CDH13: variants seen among roughly 807,000 people sequenced by gnomAD.
The protein encoded by CDH13 is cadherin 13.
A neutral mutation model predicts 63.8 loss-of-function variants in CDH13; 24 were observed. The observed-to-expected ratio is 0.38, with a 90% CI of 0.27 to 0.53. The LOEUF (loss-of-function observed/expected upper bound fraction) is 0.53, where lower values mean the gene tolerates loss of function less well. Ranked by LOEUF, CDH13 falls within the 20% of genes least tolerant of loss-of-function variation. The pLI, the probability that CDH13 is intolerant of heterozygous loss-of-function variation, is 0.85. For missense variants in CDH13, 1,049 were observed against 903.1 expected (o/e 1.16, Z -2.07); for synonymous variants, 503 against 355.3 (o/e 1.42, Z -4.67).
At chr16:83,691,495 T>C (rs985271880) in intron 10 of CDH13, among the ~76,000 whole-genome samples, 1 of 152,024 alleles carries the variant, frequency 6.6e-6, no homozygotes, top group African/African-American at 2.4e-5. Flanking sequence ...AGGCACTGCT[T>C]CCTGAGAATC....
chr16:83,151,927 G>A lies in CDH13; in HGVS notation c.483+26426G>A, dbSNP rs144514931. ...CAGTGAGCCAAGATCGCGCCATTGC[G>A]CTCCAGCCTGGGCAACAAAAAAAAA... On this transcript the variant is annotated intron_variant, in intron 4 of 13. Coordinates refer to ENST00000567109, the MANE Select transcript of CDH13 (RefSeq NM_001257.5). Among the ~76,000 whole-genome samples the A allele has an allele frequency of 2.3e-3, 347 of 150,512 alleles. 3 individuals carry two copies. Among genetic ancestry groups the A allele is most frequent in the African/African-American group, 7.7e-3 (313 of 40,762 alleles).
chr16:83,570,761 TTA>T (rs970142686), intron 7 of CDH13, among the ~76,000 whole-genome samples: 7 of 141,950 alleles, frequency 4.9e-5, no homozygotes, highest in Admixed American at 7.1e-5. Flanking sequence ...AATTATATAT[TTA>T]TATATATGAA....
intron 6 of CDH13, among the ~76,000 whole-genome samples, chr16:83,448,398 G>A (rs371865876): frequency 6.6e-6 from 1 of 152,262 alleles, no homozygotes; most frequent in South Asian, 2.1e-4. Context: ...AGAGGGTTCA[G>A]CAGTTCTGTG....
intron 8 of CDH13, among the ~76,000 whole-genome samples, chr16:83,653,276 C>G (rs1235350590): frequency 6.6e-6 from 1 of 152,006 alleles, no homozygotes; most frequent in African/African-American, 2.4e-5. Flanking sequence ...TTCATATGTA[C>G]AATTTAAATT....
At chr16:83,045,786 A>G (rs1406006871) in intron 3 of CDH13, among the ~76,000 whole-genome samples, 1 of 152,224 alleles carries the variant, frequency 6.6e-6, no homozygotes, top group East Asian at 1.9e-4. Flanking sequence ...GGCAGTAAAG[A>G]AACAGGGGAA....
At chr16:83,019,712 T>C (rs989877568) in intron 2 of CDH13, among the ~76,000 whole-genome samples, 2 of 150,890 alleles carry the variant, frequency 1.3e-5, no homozygotes, top group African/African-American at 4.9e-5. Flanking sequence ...CCCAGTATGG[T>C]CTCAAACTCC....
chr16:83,245,061 C>G (rs977867994), intron 5 of CDH13, among the ~76,000 whole-genome samples: 2 of 151,884 alleles, frequency 1.3e-5, no homozygotes. Flanking sequence ...TGCAGGCTGG[C>G]CTTTCTAGGG....
intron 1 of CDH13, among the ~76,000 whole-genome samples, chr16:82,799,102 A>T (rs1286706934): frequency 2.6e-5 from 4 of 152,166 alleles, no homozygotes; most frequent in Non-Finnish European, 5.9e-5. Context: ...AAACATGAAG[A>T]TACTGGAGAA....
chr16:83,435,344 C>T (rs1300403226), intron 6 of CDH13, among the ~76,000 whole-genome samples: 6 of 152,070 alleles, frequency 3.9e-5, no homozygotes, highest in Admixed American at 6.6e-5. Flanking sequence ...ATGCCTGGCC[C>T]CCTATTTGAC....
chr16:82,659,099 T>G (rs1911634319), intron 1 of CDH13, among the ~76,000 whole-genome samples: 1 of 152,150 alleles, frequency 6.6e-6, no homozygotes. Context: ...ATACAGAAAG[T>G]AATGCCAGAA....
At chr16:82,825,188 T>C (rs1050965852) in intron 1 of CDH13, 3 of 152,178 alleles carry the variant, frequency 2.0e-5, no homozygotes, top group Admixed American at 2.0e-4. Context: ...GCAACGAACT[T>C]TCTTCTTTTT....
At chr16:82,875,171 A>G (rs570903793) in intron 2 of CDH13, among the ~76,000 whole-genome samples, 2 of 152,340 alleles carry the variant, frequency 1.3e-5, no homozygotes, top group South Asian at 2.1e-4. Flanking sequence ...TTTGCGTATG[A>G]CAAAAGTTGC....
At chr16:82,898,699 G>A (rs957366583) in intron 2 of CDH13, among the ~76,000 whole-genome samples, 5 of 152,166 alleles carry the variant, frequency 3.3e-5, no homozygotes, top group African/African-American at 1.2e-4. Flanking sequence ...CTTGATGAGA[G>A]CACTAGATTT....
At chr16:83,387,159 T>C (rs1352748515) in intron 6 of CDH13, among the ~76,000 whole-genome samples, 1 of 152,146 alleles carries the variant, frequency 6.6e-6, no homozygotes, top group Non-Finnish European at 1.5e-5. Context: ...CAGGAACTTA[T>C]CCAAGAATAG....
At chr16:83,388,283 G>GAAA (rs549786649) in intron 6 of CDH13, among the ~76,000 whole-genome samples, 2 of 115,520 alleles carry the variant, frequency 1.7e-5, no homozygotes, top group Admixed American at 9.1e-5. Flanking sequence ...CCTCTCTCTG[G>GAAA]AAAAAAAAAA....
At chr16:82,949,796 G>T (rs965279012) in intron 2 of CDH13, among the ~76,000 whole-genome samples, 2 of 152,046 alleles carry the variant, frequency 1.3e-5, no homozygotes, top group African/African-American at 4.8e-5. Context: ...CAGCCTCTTT[G>T]TGTTAATTAT....
At chr16:83,528,923 T>A (rs1485799359) in intron 7 of CDH13, among the ~76,000 whole-genome samples, 1 of 152,192 alleles carries the variant, frequency 6.6e-6, no homozygotes, top group Non-Finnish European at 1.5e-5. Context: ...CCTTGAGAAA[T>A]GTCACCAGGG....
chr16:83,422,911 G>C (rs2071759839), intron 6 of CDH13, among the ~76,000 whole-genome samples: 1 of 152,160 alleles, frequency 6.6e-6, no homozygotes, highest in South Asian at 2.1e-4. Flanking sequence ...GGAGGAGGAG[G>C]AGAATTTGGC....
Position 83,514,584 on chromosome 16 carries a change from GCAGTAAGCCAAGATCATAC to G in CDH13, c.960+27932_960+27950del, listed in dbSNP as rs1420345832. Among the ~76,000 whole-genome samples the G allele has an allele frequency of 3.9e-5, 6 of 152,196 alleles. No individual in the cohort carries two copies. The East Asian group carries it at 1.2e-3, about 29-fold the overall frequency. ...TGCTTGAACCTGGGAGGTGGAGGTTGCAGTAAGCCAAGATCATACCACTGCACTCCGGCCTGGGCAACAG... is the reference window on the plus strand; with the variant it reads ...TGCTTGAACCTGGGAGGTGGAGGTTGCACTGCACTCCGGCCTGGGCAACAG... On this transcript the variant is annotated intron_variant, in intron 7 of 13. Coordinates refer to ENST00000567109, the MANE Select transcript of CDH13 (RefSeq NM_001257.5).
Sources: allele counts gnomAD v4.1 joint callset (sites outside exome capture counted in the v4.1 genomes callset), GRCh38; gene constraint gnomAD v4.1.1; transcripts MANE v1.5; gene names NCBI Gene and HGNC (gene_info 2026-07-23, HGNC 2026-07-21).